CYRIB: variants seen among roughly 807,000 people sequenced by gnomAD.
The protein encoded by CYRIB is CYFIP-related Rac1 interactor B.
In CYRIB, 8 loss-of-function variants were observed where a neutral mutation model predicts 44.2. The observed-to-expected ratio is 0.18, with a 90% CI of 0.11 to 0.33. The LOEUF is 0.33. CYRIB is among the 10% of genes least tolerant of loss of function. The pLI, the probability that CYRIB is intolerant of heterozygous loss-of-function variation, is 1.00. For synonymous variants in CYRIB, 131 were observed against 127.2 expected, an observed-to-expected ratio of 1.03 and a Z score of -0.20; for missense variants, 185 against 382.8, an observed-to-expected ratio of 0.48 and a Z score of 4.31.
At chr8:129,989,784 T>A (rs1302209622) in intron 1 of CYRIB, among the ~76,000 whole-genome samples, 1 of 132,666 alleles carries the variant, frequency 7.5e-6, no homozygotes, top group African/African-American at 2.8e-5. Context: ...CCTAATGCTA[T>A]CCCTCCCCCC....
At position 129,993,629 on chromosome 8, in the gene CYRIB, G is replaced by A. The variant is rs565284700; in HGVS notation, c.-295-22634C>T. Among the ~76,000 whole-genome samples the A allele has an allele frequency of 1.4e-4, 21 of 151,962 alleles. No individual in the cohort carries two copies. The South Asian group carries it at 3.1e-3, about 23-fold the overall frequency. On this transcript the variant is annotated intron_variant, in intron 1 of 14. Coordinates refer to the CYRIB transcript ENST00000401979. ...GGAGAATCGCTGGAACCCAGGAGGC[G>A]GAGGTTGCAGTGAGTCAAGATCATG...
chr8:129,905,984 T>C (rs1477538636), intron 1 of CYRIB, among the ~76,000 whole-genome samples: 3 of 152,156 alleles, frequency 2.0e-5, no homozygotes, highest in East Asian at 1.9e-4. Flanking sequence ...TCCATGCTCA[T>C]GGATAGGGGA....
chr8:129,959,171 T>C lies in CYRIB; in HGVS notation c.-243+11772A>G, dbSNP rs577048169. On this transcript the variant is annotated intron_variant, in intron 2 of 14. Transcript: ENST00000401979. ...GCCCTGCTTATTGTAGAAAAGTCAT[T>C]CAACAAATCTTTTTAGGTCTCTATT... 3.0e-3 allele frequency among the ~76,000 whole-genome samples: 450 copies of C among 151,874 alleles called. 3 individuals carry two copies. Among genetic ancestry groups the C allele is most frequent in the African/African-American group, 0.01 (430 of 41,384 alleles).
At chr8:129,960,234 G>T (rs2095159670) in intron 2 of CYRIB, among the ~76,000 whole-genome samples, 1 of 152,176 alleles carries the variant, frequency 6.6e-6, no homozygotes, top group African/African-American at 2.4e-5. Context: ...GTCACCCAGG[G>T]CCAAACAGAG....
chr8:129,943,213 A>C (rs1468069795), upstream of CYRIB, among the ~76,000 whole-genome samples: 1 of 151,860 alleles, frequency 6.6e-6, no homozygotes, highest in Non-Finnish European at 1.5e-5. Context: ...TCTTGCACTT[A>C]AAACAAAGCA....
chr8:129,984,841 T>G (rs1306166479), intron 1 of CYRIB, among the ~76,000 whole-genome samples: 1 of 152,072 alleles, frequency 6.6e-6, no homozygotes, highest in Non-Finnish European at 1.5e-5. Context: ...ATGGCGCGAT[T>G]TCAGCTCACT....
At chr8:129,934,894 A>C (rs1362785481) in intron 1 of CYRIB, among the ~76,000 whole-genome samples, 1 of 152,246 alleles carries the variant, frequency 6.6e-6, no homozygotes, top group East Asian at 1.9e-4. Flanking sequence ...GTTATAGATT[A>C]AAAGAAGTTA....
chr8:130,006,472 TAAAATAAA>T (rs2097067364), intron 1 of CYRIB, among the ~76,000 whole-genome samples: 1 of 140,760 alleles, frequency 7.1e-6, no homozygotes, highest in African/African-American at 2.6e-5. Flanking sequence ...TAAAATAAAA[TAAAATAAA>T]ATATATATAT....
At chr8:129,974,376 C>T (rs898279787) in intron 1 of CYRIB, among the ~76,000 whole-genome samples, 1 of 151,962 alleles carries the variant, frequency 6.6e-6, no homozygotes, top group Non-Finnish European at 1.5e-5. Flanking sequence ...AGAAGAAAAC[C>T]CTTAATGTTT....
At chr8:129,943,629 C>G (rs1192997914), upstream of CYRIB, among the ~76,000 whole-genome samples, 4 of 112,020 alleles carry the variant, frequency 3.6e-5, no homozygotes, top group African/African-American at 1.0e-4. Context: ...ACAGGAGTCT[C>G]GCTCTGTGGC....
intron 2 of CYRIB, among the ~76,000 whole-genome samples, chr8:129,883,815 A>G (rs542387194): frequency 6.6e-6 from 1 of 152,146 alleles, no homozygotes; most frequent in Non-Finnish European, 1.5e-5. Context: ...GTGCATATTA[A>G]TAATATCCAC....
chr8:129,883,176 A>T (rs942669708), intron 2 of CYRIB, among the ~76,000 whole-genome samples: 1 of 149,388 alleles, frequency 6.7e-6, no homozygotes, highest in Non-Finnish European at 1.5e-5. Flanking sequence ...AGTGTTTCTC[A>T]GTCTCAGCAC....
chr8:129,986,398 G>T (rs545251054), intron 1 of CYRIB, among the ~76,000 whole-genome samples: 1 of 152,292 alleles, frequency 6.6e-6, no homozygotes, highest in South Asian at 2.1e-4. Context: ...AGGTGCTACA[G>T]TTTAAACATT....
rs193110000 is a variant in CYRIB, at chr8:129,926,965, G to C, written c.-50+12643C>G. 4.6e-4 allele frequency among the ~76,000 whole-genome samples: 70 copies of C among 152,288 alleles called. No homozygotes were observed. The South Asian group carries it at 0.01, about 22-fold the overall frequency. ...TTGTAAGTTCTACACATAATGTGCT[G>C]CATTCATAGAGCACACATTTAAAAA... is the stretch of plus-strand genomic sequence containing the variant. On this transcript the variant is annotated intron_variant, in intron 1 of 11. Coordinates refer to ENST00000519824, the Ensembl canonical transcript of CYRIB.
chr8:129,849,345 A>G, exon 10 of CYRIB: 1 of 1,613,060 alleles, frequency 6.2e-7, no homozygotes, highest in East Asian at 2.2e-5. Flanking sequence ...CTGTCTCTTC[A>G]TTTGTAAATC....
chr8:129,865,364 G>C (rs1484879703), intron 4 of CYRIB, among the ~76,000 whole-genome samples: 1 of 152,160 alleles, frequency 6.6e-6, no homozygotes, highest in East Asian at 1.9e-4. Context: ...CACTGTGCTG[G>C]TTTACTTTCA....
At chr8:129,973,952 C>T (rs2095817130) in intron 1 of CYRIB, among the ~76,000 whole-genome samples, 1 of 152,164 alleles carries the variant, frequency 6.6e-6, no homozygotes, top group Non-Finnish European at 1.5e-5. Flanking sequence ...AAGCTTTAAG[C>T]TACCTGAGGG....
intron 2 of CYRIB, among the ~76,000 whole-genome samples, chr8:129,967,517 C>G (rs1017557810): frequency 1.3e-5 from 2 of 151,838 alleles, no homozygotes; most frequent in South Asian, 4.2e-4. Context: ...GTAGCTGGGA[C>G]TACAGGCGCC....
chr8:129,966,851 C>CACCCAGCTAATTTAT (rs1485049334), intron 2 of CYRIB, among the ~76,000 whole-genome samples: 2 of 152,080 alleles, frequency 1.3e-5, no homozygotes, highest in African/African-American at 4.8e-5. Flanking sequence ...CATACCACCA[C>CACCCAGCTAATTTAT]ACCCAGCTAA....
Sources: gnomAD v4.1 joint callset for allele counts (sites outside exome capture counted in the v4.1 genomes callset) on GRCh38, gnomAD v4.1.1 for gene constraint, MANE v1.5 for transcripts, NCBI Gene and HGNC (gene_info 2026-07-23, HGNC 2026-07-21) for gene names.